RNF111: variants seen among roughly 807,000 people sequenced by gnomAD.
The protein encoded by RNF111 is E3 ubiquitin-protein ligase Arkadia.
RNF111 carries 17 observed loss-of-function variants against 95.1 expected under a neutral mutation model. The observed-to-expected ratio is 0.18, with a 90% confidence interval of 0.12 to 0.27. RNF111 has a LOEUF of 0.27. Among genes scored for constraint, RNF111 ranks in the 10% least tolerant of loss-of-function variants. The pLI, the probability that RNF111 is intolerant of heterozygous loss-of-function variation, is 1.00. For missense variants in RNF111, 1,189 were observed against 1,210.4 expected (o/e 0.98, Z 0.26); for synonymous variants, 440 against 414.8 (o/e 1.06, Z -0.74).
At chr15:59,077,594 A>G (rs534502225) in intron 7 of RNF111, among the ~76,000 whole-genome samples, 195 of 152,336 alleles carry the variant, frequency 1.3e-3, no homozygotes, top group Non-Finnish European at 2.6e-3. Context: ...ATATTAGCAC[A>G]TAAAAATCTA....
intron 1 of RNF111, among the ~76,000 whole-genome samples, chr15:59,016,067 G>C (rs2040126973): frequency 6.6e-6 from 1 of 151,596 alleles, no homozygotes; most frequent in African/African-American, 2.4e-5. Flanking sequence ...TGACCTCCTA[G>C]CTCAAGCAGT....
chr15:59,025,693 C>G (rs1298890664), intron 1 of RNF111, among the ~76,000 whole-genome samples: 2 of 150,664 alleles, frequency 1.3e-5, no homozygotes, highest in Non-Finnish European at 3.0e-5. Flanking sequence ...ATCTCTAAAA[C>G]TTTTGTAGAA....
At chr15:59,001,284 G>A (rs182766589) in intron 1 of RNF111, among the ~76,000 whole-genome samples, 2 of 152,254 alleles carry the variant, frequency 1.3e-5, no homozygotes, top group Admixed American at 6.5e-5. Flanking sequence ...ATGTTCTTCA[G>A]TTATATGAAA....
intron 2 of RNF111, among the ~76,000 whole-genome samples, chr15:59,039,052 C>T (rs1180270916): frequency 6.6e-6 from 1 of 152,138 alleles, no homozygotes; most frequent in Non-Finnish European, 1.5e-5. Flanking sequence ...GCAACCTCTG[C>T]CTCCCGTGTT....
At chr15:59,041,065 A>G (rs1203688181) in intron 2 of RNF111, among the ~76,000 whole-genome samples, 1 of 152,012 alleles carries the variant, frequency 6.6e-6, no homozygotes, top group Non-Finnish European at 1.5e-5. Flanking sequence ...CACTTAATAT[A>G]TACTATTGTT....
intron 2 of RNF111, among the ~76,000 whole-genome samples, chr15:59,037,093 T>A (rs1468299453): frequency 6.6e-6 from 1 of 151,930 alleles, no homozygotes; most frequent in Non-Finnish European, 1.5e-5. Context: ...TGCCTCGGCC[T>A]CCCAAAGTGC....
chr15:59,097,287 ATTG>A lies in RNF111; in HGVS notation c.*2393_*2395del, dbSNP rs1357686744. 1 of 152,226 alleles carries A rather than the reference ATTG, an allele frequency of 6.6e-6. No homozygotes were observed. Among genetic ancestry groups the A allele is most frequent in the African/African-American group, 2.4e-5 (1 of 41,464 alleles). 9.4% of individuals were successfully genotyped at this position (152,226 alleles called of 1,614,324 possible). A position where few individuals can be genotyped will look rare whatever the true frequency, so the allele number is the denominator to read the frequency against. On this transcript the variant is annotated 3_prime_UTR_variant, in exon 14 of 14. Transcript: ENST00000348370. ...CTTTTGTTAGCAAGTCCTTATTTTT[ATTG>A]TTGTTAACATGCAAGTGATAAACTG...
chr15:59,039,948 C>T (rs1462878908), intron 2 of RNF111, among the ~76,000 whole-genome samples: 1 of 152,100 alleles, frequency 6.6e-6, no homozygotes, highest in Non-Finnish European at 1.5e-5. Context: ...ATCTCCTGAC[C>T]TCATGATCCA....
chr15:59,072,731 C>T (rs759893468), intron 6 of RNF111, among the ~76,000 whole-genome samples: 77 of 152,004 alleles, frequency 5.1e-4, no homozygotes, highest in Middle Eastern at 3.4e-3. Context: ...GGATTACAGG[C>T]GTGAGCCACC....
intron 6 of RNF111, among the ~76,000 whole-genome samples, chr15:59,070,548 T>G (rs1250256077): frequency 6.6e-6 from 1 of 152,198 alleles, no homozygotes. Flanking sequence ...TTAAACCGTA[T>G]TTACCTGCAT....
At chr15:59,039,917 G>T (rs1468942857) in intron 2 of RNF111, among the ~76,000 whole-genome samples, 1 of 151,790 alleles carries the variant, frequency 6.6e-6, no homozygotes, top group African/African-American at 2.4e-5. Context: ...GGGTTTCACC[G>T]TGTTGGCCAG....
chr15:59,065,367 T>C (rs1196924624), intron 5 of RNF111, among the ~76,000 whole-genome samples: 5 of 152,242 alleles, frequency 3.3e-5, no homozygotes, highest in Admixed American at 3.3e-4. Flanking sequence ...TTGCAGTTCT[T>C]CTGCCATAGA....
At chr15:59,068,970 A>C (rs1286299638) in intron 6 of RNF111, among the ~76,000 whole-genome samples, 1 of 151,152 alleles carries the variant, frequency 6.6e-6, no homozygotes, top group Admixed American at 6.6e-5. Context: ...GCTGCTCAGG[A>C]GACTGAGGCA....
chr15:59,004,744 T>C (rs1379831795), intron 1 of RNF111, among the ~76,000 whole-genome samples: 1 of 152,196 alleles, frequency 6.6e-6, no homozygotes, highest in Non-Finnish European at 1.5e-5. Flanking sequence ...AAATATGCAG[T>C]CTCTGGAAGT....
chr15:59,080,295 A>AT (rs759495185), intron 7 of RNF111, among the ~76,000 whole-genome samples: 2 of 151,494 alleles, frequency 1.3e-5, no homozygotes, highest in Non-Finnish European at 2.9e-5. Context: ...TAATTTTTGT[A>AT]TTTTTAGTGG....
chr15:59,078,627 G>A (rs2078640478), intron 7 of RNF111, among the ~76,000 whole-genome samples: 1 of 151,860 alleles, frequency 6.6e-6, no homozygotes, highest in South Asian at 2.1e-4. Context: ...GGGAGGCCGA[G>A]GCGGGTGGAT....
chr15:59,020,389 T>C (rs1298878499), intron 1 of RNF111, among the ~76,000 whole-genome samples: 1 of 152,078 alleles, frequency 6.6e-6, no homozygotes, highest in African/African-American at 2.4e-5. Context: ...TAGACACTTG[T>C]GCAGTATGCC....
At chr15:59,021,394 G>A (rs1567217585) in intron 1 of RNF111, among the ~76,000 whole-genome samples, 1 of 151,948 alleles carries the variant, frequency 6.6e-6, no homozygotes, top group African/African-American at 2.4e-5. Flanking sequence ...CAATTCATCC[G>A]CCTGTCTCGG....
Position 59,081,203 on chromosome 15 carries a change from C to T in RNF111, c.2216C>T (p.Ala739Val), listed in dbSNP as rs1272184093. Residue 739 changes from alanine to valine, a missense_variant, in exon 8 of 14, where the codon GCA becomes GTA. Physicochemically the swap from Ala to Val is moderately conservative, Grantham distance 64. Transcript: ENST00000348370. ...ATTTCGCACCATATTCCAGCCACAG[C>T]ACCTCCAGCACAGAGACTGCATCCT... ...QPISHHIPAT[A>V]PPAQRLHPHE... 1 of 1,614,202 alleles carries T rather than the reference C, an allele frequency of 6.2e-7. No homozygotes were observed. Among genetic ancestry groups the T allele is most frequent in the South Asian group, 1.1e-5 (1 of 91,070 alleles).
Sources: allele counts gnomAD v4.1 joint callset (sites outside exome capture counted in the v4.1 genomes callset), GRCh38; gene constraint gnomAD v4.1.1; transcripts MANE v1.5; gene names NCBI Gene and HGNC (gene_info 2026-07-23, HGNC 2026-07-21).